Variants in BBC3 observed in about 807,000 individuals in gnomAD.
BBC3 encodes the protein BCL2 binding component 3.
BBC3 carries 5 observed loss-of-function variants against 18.2 expected under a neutral mutation model. The observed-to-expected ratio is 0.27, with a 90% CI of 0.14 to 0.58. BBC3 has a LOEUF of 0.58. BBC3 is among the 20% of genes least tolerant of loss of function. BBC3 has a pLI of 0.91. For synonymous variants in BBC3, 119 were observed against 128.0 expected (o/e 0.93, Z 0.47); for missense variants, 224 against 268.9 (o/e 0.83, Z 1.17).
rs1206876034 is a variant in BBC3, at chr19:47,230,588, C to G, written c.-16+341G>C. On this transcript the variant is annotated intron_variant, in intron 1 of 3. Transcript: ENST00000439096. The surrounding 1 kb of genome is among the most constrained non-coding windows in gnomAD (Gnocchi z 6.7). ...TGGCCGCCCCTCCGTGCCGCCCCCC[C>G]GCCCCTCCCGGACTTTGGGGGCTGG... 6.6e-6 allele frequency among the ~76,000 whole-genome samples: 1 copy of G among 151,730 alleles called. No homozygotes were observed. Among genetic ancestry groups the G allele is most frequent in the Non-Finnish European group, 1.5e-5 (1 of 67,886 alleles).
At chr19:47,232,432 G>A, upstream of BBC3, 6 of 1,246,694 alleles carry the variant, frequency 4.8e-6, no homozygotes, top group Non-Finnish European at 6.8e-6. Flanking sequence ...ACCCACACAT[G>A]TCACAAAGTC....
intron 1 of BBC3, among the ~76,000 whole-genome samples, chr19:47,229,295 CAG>C (rs1487152496): frequency 2.6e-5 from 4 of 151,774 alleles, no homozygotes; most frequent in Non-Finnish European, 5.9e-5. Context: ...CAACACAAAA[CAG>C]ACACCCACGG....
Position 47,228,081 on chromosome 19 carries a change from A to T in BBC3, c.274+77T>A, listed in dbSNP as rs1050113127. On this transcript the variant is annotated intron_variant, in intron 2 of 3. Transcript: ENST00000439096. This position sits in a 1 kb window ranked among gnomAD's most constrained non-coding sequence, Gnocchi z 5.5. Reference sequence around the variant, plus strand: ...CCGCCACCTCCCCCCGTCCTCTCCCACTTCTCCAGTTCCTCCGAGTCTCCA... The same window carrying T: ...CCGCCACCTCCCCCCGTCCTCTCCCTCTTCTCCAGTTCCTCCGAGTCTCCA... 81 of 1,131,324 alleles carry T rather than the reference A, an allele frequency of 7.2e-5. No homozygotes were observed. The highest frequency in any genetic ancestry group is 8.2e-5 in the Non-Finnish European group (74 of 902,940). The allele number at this position is 1,131,324 out of a possible 1,614,324, so 70.1% of individuals were successfully genotyped here. A position where few individuals can be genotyped will look rare whatever the true frequency, so the allele number is the denominator to read the frequency against.
intron 3 of BBC3, among the ~76,000 whole-genome samples, chr19:47,223,492 G>A (rs527392852): frequency 5.9e-5 from 9 of 152,048 alleles, no homozygotes; most frequent in Admixed American, 4.6e-4. Flanking sequence ...GCTTGAACCC[G>A]GGAGGCGGAG....
At chr19:47,224,735 T>G (rs60985132) in intron 3 of BBC3, among the ~76,000 whole-genome samples, 4,107 of 151,292 alleles carry the variant, frequency 0.027, 198 homozygotes, top group East Asian at 0.24. Context: ...ATGACTTTTT[T>G]TTTTTTTTTT....
rs1229262648 is a variant in BBC3, at chr19:47,228,611, C to T, written c.-15-165G>A. On this transcript the variant is annotated intron_variant, in intron 1 of 3. Transcript: ENST00000439096. The surrounding 1 kb of genome is among the most constrained non-coding windows in gnomAD (Gnocchi z 5.5). ...CACGCCCAGCCGGGGGATGACACCA[C>T]CGGGTCCTGGCTGGCCTGGAGAGCC... Among the ~76,000 whole-genome samples the T allele has an allele frequency of 2.0e-5, 3 of 151,998 alleles. No homozygotes were observed. The highest frequency in any genetic ancestry group is 1.3e-4 in the Admixed American group (2 of 15,274).
In BBC3 at chr19:47,221,428, C is replaced by CA; in HGVS notation, c.*373_*374insT. 4.1e-6 allele frequency: 1 copy of CA among 243,410 alleles called. No individual in the cohort carries two copies. The highest frequency in any genetic ancestry group is 7.4e-6 in the Non-Finnish European group (1 of 135,480). The allele number at this position is 243,410 out of a possible 1,614,324, so 15.1% of individuals were successfully genotyped here. A position where few individuals can be genotyped will look rare whatever the true frequency, so the allele number is the denominator to read the frequency against. ...AGTGAAGGAGCACCGAGAGGAGAGC[C>CA]CCCCCCTCCCAGTGTCACCCCTGCA... On this transcript the variant is annotated 3_prime_UTR_variant, in exon 4 of 4. Coordinates refer to ENST00000439096, the MANE Select transcript of BBC3 (RefSeq NM_014417.5).
chr19:47,222,099 G>C (rs1000489932), intron 3 of BBC3, 181 bp from the exon 4 acceptor site: 6 of 563,170 alleles, frequency 1.1e-5, no homozygotes, highest in Non-Finnish European at 1.5e-5. Context: ...ATGAGACCTG[G>C]AGGCAGAGGA....
At position 47,230,823 on chromosome 19, in the gene BBC3, C is replaced by A; in HGVS notation, c.-16+106G>T. The A allele has an allele frequency of 1.0e-6, 1 of 985,162 alleles. No homozygotes were observed. The highest frequency in any genetic ancestry group is 1.2e-6 in the Non-Finnish European group (1 of 829,826). 61.0% of individuals were successfully genotyped at this position (985,162 alleles called of 1,614,324 possible). On this transcript the variant is annotated intron_variant, in intron 1 of 3. Coordinates refer to ENST00000439096, the MANE Select transcript of BBC3 (RefSeq NM_014417.5). This position sits in a 1 kb window ranked among gnomAD's most constrained non-coding sequence, Gnocchi z 6.7. The stretch of plus-strand genomic sequence containing the variant: ...TTTGGAGAGGCGCGGTGTGGGGAGG[C>A]AGGGCGCCCACACTGCTCTCCGCCT...
At position 47,221,596 on chromosome 19, in the gene BBC3, G is replaced by T. The variant is rs1164183238; in HGVS notation, c.*206C>A. On this transcript the variant is annotated 3_prime_UTR_variant, in exon 4 of 4. Transcript: ENST00000439096. ...GTCCCTCTCCTGGCTTCTTGGCCAG[G>T]GACCCAGGAGTCCGCATCTCCGTCA... is the stretch of plus-strand genomic sequence containing the variant. The T allele has an allele frequency of 2.8e-6, 3 of 1,074,352 alleles. No individual in the cohort carries two copies. The highest frequency in any genetic ancestry group is 3.9e-6 in the Non-Finnish European group (3 of 761,966). 66.6% of individuals were successfully genotyped at this position (1,074,352 alleles called of 1,614,324 possible). A position where few individuals can be genotyped will look rare whatever the true frequency, so the allele number is the denominator to read the frequency against.
rs965859574 is a variant in BBC3, at chr19:47,230,675, GC to G, written c.-16+253del. ...ACTGGCCGCCAGGGGGCGCTGCCGA[GC>G]CCGCACCCCATTGTTTGTAAACAAA... On this transcript the variant is annotated intron_variant, in intron 1 of 3. Transcript: ENST00000439096. The surrounding 1 kb of genome is among the most constrained non-coding windows in gnomAD (Gnocchi z 6.7). 2 of 960,120 alleles carry G rather than the reference GC, an allele frequency of 2.1e-6. No homozygotes were observed. The highest frequency in any genetic ancestry group is 3.5e-5 in the African/African-American group (2 of 56,742). The allele number at this position is 960,120 out of a possible 1,614,324, so 59.5% of individuals were successfully genotyped here.
chr19:47,221,518 T>C lies in BBC3; in HGVS notation c.*284A>G. Reference sequence around the variant, plus strand: ...GTGGTGGGCGGCAGAGGCGGGCGGCTCAGTCCCCACCCCCTCGGTCACCGC... The same window carrying C: ...GTGGTGGGCGGCAGAGGCGGGCGGCCCAGTCCCCACCCCCTCGGTCACCGC... On this transcript the variant is annotated 3_prime_UTR_variant, in exon 4 of 4. Transcript: ENST00000439096. 4.7e-6 allele frequency: 2 copies of C among 423,234 alleles called. No homozygotes were observed. The highest frequency in any genetic ancestry group is 7.8e-6 in the Non-Finnish European group (2 of 255,786). 26.2% of individuals were successfully genotyped at this position (423,234 alleles called of 1,614,324 possible). A position where few individuals can be genotyped will look rare whatever the true frequency, so the allele number is the denominator to read the frequency against.
rs145140347 is a variant in BBC3 at position 47,224,282 on chromosome 19, C to T, written c.465+2282G>A. Among the ~76,000 whole-genome samples the T allele has an allele frequency of 7.1e-3, 1,080 of 151,658 alleles. 10 individuals are homozygous for T. Among genetic ancestry groups the T allele is most frequent in the African/African-American group, 0.025 (1,040 of 41,350 alleles). Reference sequence around the variant, plus strand: ...TGCACTCCAACCTGGGCAACAAGAGCGAAACTCTGTCTCAAAAAATAAATA... The same window carrying T: ...TGCACTCCAACCTGGGCAACAAGAGTGAAACTCTGTCTCAAAAAATAAATA... On this transcript the variant is annotated intron_variant, in intron 3 of 3. Transcript: ENST00000439096.
At position 47,224,243 on chromosome 19, in the gene BBC3, C is replaced by T. The variant is rs562909290; in HGVS notation, c.465+2321G>A. On this transcript the variant is annotated intron_variant, in intron 3 of 3. Transcript: ENST00000439096. ...CCGGGAGGTGAAGGTTGCAATGGGC[C>T]GAGATTGCACCATTGCACTCCAACC... is the stretch of plus-strand genomic sequence containing the variant. Among the ~76,000 whole-genome samples the T allele has an allele frequency of 6.7e-4, 102 of 151,292 alleles. 1 individual carries two copies. Among genetic ancestry groups the T allele is most frequent in the African/African-American group, 2.5e-3 (101 of 41,196 alleles).
chr19:47,226,845 C>G, intron 2 of BBC3, 91 bp from the exon 3 acceptor site: 1 of 1,125,872 alleles, frequency 8.9e-7, no homozygotes, highest in Non-Finnish European at 1.2e-6. Flanking sequence ...AGCCACTGCT[C>G]CCCGCCTCAT....
intron 3 of BBC3, among the ~76,000 whole-genome samples, chr19:47,224,338 A>T (rs958262496): frequency 6.6e-6 from 1 of 152,160 alleles, no homozygotes; most frequent in African/African-American, 2.4e-5. Context: ...ACATTTAAAA[A>T]TAGTCTGGGT....
Position 47,226,754 on chromosome 19 carries a change from C to T in BBC3, c.275G>A (p.Gly92Asp). The T allele has an allele frequency of 4.3e-6, 6 of 1,392,044 alleles. No individual in the cohort carries two copies. The highest frequency in any genetic ancestry group is 5.6e-6 in the Non-Finnish European group (6 of 1,077,258). The allele number at this position is 1,392,044 out of a possible 1,614,324, so 86.2% of individuals were successfully genotyped here. The change falls in exon 3 of 4, where the codon GGT (glycine) becomes GAT (aspartate). Residue 92 changes from glycine to aspartate, a missense_variant and splice_region_variant. Coordinates refer to ENST00000439096, the MANE Select transcript of BBC3 (RefSeq NM_014417.5). ...CGCCAGCGAGAGCGAGGGCTGAGGA[C>T]CTTGGAGAGGCAGAGGGGCGCGGTC... ...RSRPRGPRPD[G>D]PQPSLSLAEQ...
upstream of BBC3, among the ~76,000 whole-genome samples, chr19:47,232,346 G>A (rs529525723): frequency 4.9e-4 from 75 of 152,294 alleles, no homozygotes; most frequent in Non-Finnish European, 9.3e-4. Flanking sequence ...AGCAAACTCC[G>A]TCTTAAAAAT....
chr19:47,226,567 C>T lies in BBC3; in HGVS notation c.462G>A (p.Arg154=). 1 of 1,568,298 alleles carries T rather than the reference C, an allele frequency of 6.4e-7. No homozygotes were observed. The highest frequency in any genetic ancestry group is 8.6e-7 in the Non-Finnish European group (1 of 1,159,300). ...CTACCCCACCCCCAGCACTCACCCGCCGCTCGTACTGTGCGTTGAGGTCGT... is the reference window on the plus strand; with the variant it reads ...CTACCCCACCCCCAGCACTCACCCGTCGCTCGTACTGTGCGTTGAGGTCGT... ...MADDLNAQYE[R]RRQEEQQRHR... The change falls in exon 3 of 4, where the codon CGG becomes CGA. Residue 154 remains arginine, a synonymous_variant. Transcript: ENST00000439096.
Sources: allele counts gnomAD v4.1 joint callset (sites outside exome capture counted in the v4.1 genomes callset), GRCh38; gene constraint gnomAD v4.1.1; non-coding constraint Gnocchi (gnomAD v3.1); transcripts MANE v1.5; gene names NCBI Gene and HGNC (gene_info 2026-07-23, HGNC 2026-07-21).